The following GRID2 variants were observed in gnomAD, a reference collection of about 807,000 sequenced individuals.
GRID2 encodes the protein glutamate receptor ionotropic, delta-2.
In GRID2, 33 loss-of-function variants were observed where a neutral mutation model predicts 114.8. That is an observed-to-expected ratio of 0.29 (90% CI 0.22 to 0.38). GRID2 has a LOEUF of 0.38. Ranked by LOEUF, GRID2 falls within the 10% of genes least tolerant of loss-of-function variation. The pLI is 1.00. For missense variants in GRID2, 1,184 were observed against 1,257.7 expected (o/e 0.94, Z 0.89); for synonymous variants, 505 against 449.9 (o/e 1.12, Z -1.55).
intron 12 of GRID2, among the ~76,000 whole-genome samples, chr4:93,509,999 A>T (rs1328760314): frequency 6.6e-6 from 1 of 152,176 alleles, no homozygotes; most frequent in Non-Finnish European, 1.5e-5. Context: ...TGAAATCAGC[A>T]TCCAAAGGAG....
At chr4:93,129,375 T>C (rs778292664) in intron 4 of GRID2, among the ~76,000 whole-genome samples, 13 of 152,078 alleles carry the variant, frequency 8.5e-5, no homozygotes, top group Non-Finnish European at 1.8e-4. Flanking sequence ...TTGTTTGTTT[T>C]TGTTGTTGTT....
chr4:92,882,240 G>A (rs1323307521), intron 2 of GRID2, among the ~76,000 whole-genome samples: 2 of 152,152 alleles, frequency 1.3e-5, no homozygotes, highest in Non-Finnish European at 2.9e-5. Flanking sequence ...AGCTGTGAAC[G>A]CTGCAATATG....
At chr4:92,306,608 C>A (rs1055826930) in intron 1 of GRID2, among the ~76,000 whole-genome samples, 7 of 152,116 alleles carry the variant, frequency 4.6e-5, no homozygotes, top group Admixed American at 6.5e-5. Context: ...TTTTTTAAAT[C>A]GCTTATTCTG....
intron 4 of GRID2, among the ~76,000 whole-genome samples, chr4:93,167,652 T>C (rs1408895501): frequency 6.6e-6 from 1 of 152,148 alleles, no homozygotes; most frequent in Non-Finnish European, 1.5e-5. Context: ...ACTTAACACA[T>C]AGTAACACAT....
chr4:93,164,326 T>A (rs1439796991), intron 4 of GRID2, among the ~76,000 whole-genome samples: 1 of 152,020 alleles, frequency 6.6e-6, no homozygotes, highest in Non-Finnish European at 1.5e-5. Context: ...GAAGAGCAGA[T>A]GTAACGGGCT....
At chr4:92,862,763 T>C (rs2149436799) in intron 2 of GRID2, among the ~76,000 whole-genome samples, 1 of 152,212 alleles carries the variant, frequency 6.6e-6, no homozygotes, top group South Asian at 2.1e-4. Flanking sequence ...CTAAATGTTC[T>C]AATGCAGTTT....
At chr4:92,772,718 A>G (rs6818830) in intron 2 of GRID2, among the ~76,000 whole-genome samples, 9,398 of 152,210 alleles carry the variant, frequency 0.062, 410 homozygotes, top group African/African-American at 0.13. Flanking sequence ...GCAATTTGAA[A>G]CACACTGAAC....
chr4:92,464,537 G>A (rs143477097), intron 1 of GRID2, among the ~76,000 whole-genome samples: 93 of 151,754 alleles, frequency 6.1e-4, no homozygotes, highest in African/African-American at 2.2e-3. Flanking sequence ...ATAATATAAC[G>A]CCTGCTAATA....
rs1414980653 is a variant in GRID2 at position 93,407,739 on chromosome 4, C to CTCCTCCTCG, written c.1347+12039_1347+12040insGTCCTCCTC. On this transcript the variant is annotated intron_variant, in intron 9 of 15. Transcript: ENST00000282020. ...CCTCCTCCTTCTCCTCCTCCTCCTC[C>CTCCTCCTCG]TCCTCCTCCTCCTCCTCGTCCTCCT... 3.1e-3 allele frequency among the ~76,000 whole-genome samples: 389 copies of CTCCTCCTCG among 125,916 alleles called. 9 individuals carry two copies. Among genetic ancestry groups the CTCCTCCTCG allele is most frequent in the African/African-American group, 0.012 (360 of 30,050 alleles). The allele number at this position is 125,916 out of a possible 152,430, so 82.6% of individuals were successfully genotyped here.
intron 2 of GRID2, among the ~76,000 whole-genome samples, chr4:92,971,118 G>A (rs572016661): frequency 6.6e-6 from 1 of 151,908 alleles, no homozygotes; most frequent in African/African-American, 2.4e-5. Flanking sequence ...TTACAGGCAT[G>A]AGCCACTGTG....
chr4:92,744,186 A>G (rs1344220360), intron 2 of GRID2, among the ~76,000 whole-genome samples: 4 of 152,180 alleles, frequency 2.6e-5, no homozygotes, highest in Non-Finnish European at 5.9e-5. Context: ...AAAGGAGATA[A>G]TAAATGCTTT....
chr4:92,657,153 C>G (rs2149266278), intron 2 of GRID2, among the ~76,000 whole-genome samples: 1 of 150,958 alleles, frequency 6.6e-6, no homozygotes, highest in Non-Finnish European at 1.5e-5. Context: ...AGTGATTATT[C>G]AGGGGCATTT....
intron 8 of GRID2, among the ~76,000 whole-genome samples, chr4:93,370,477 ACACACACACACACG>A (rs1347833340): frequency 8.3e-6 from 1 of 120,524 alleles, no homozygotes; most frequent in Non-Finnish European, 1.7e-5. Context: ...GCACACAGAG[ACACACACACACACG>A]CACACACACA....
chr4:92,922,932 C>T (rs1040053923), intron 2 of GRID2, among the ~76,000 whole-genome samples: 10 of 152,140 alleles, frequency 6.6e-5, no homozygotes, highest in Admixed American at 3.3e-4. Context: ...GGCTCTAGGA[C>T]GCTGAAATAT....
At chr4:92,485,471 G>C in intron 1 of GRID2, among the ~76,000 whole-genome samples, 1 of 150,516 alleles carries the variant, frequency 6.6e-6, no homozygotes, top group Non-Finnish European at 1.5e-5. Context: ...AGGCCCAGGT[G>C]GGTGGATCAC....
At chr4:93,716,833 A>G (rs1166174754) in intron 14 of GRID2, among the ~76,000 whole-genome samples, 1 of 152,122 alleles carries the variant, frequency 6.6e-6, no homozygotes, top group Non-Finnish European at 1.5e-5. Flanking sequence ...AAGGAATTTA[A>G]TATACACAAC....
In GRID2 at chr4:92,460,032, C is replaced by CTATATATATATATATATATATATATATA. The variant is rs373743453; in HGVS notation, c.89-130077_89-130076insTATATATATATATATATATATATATATA. 3.9e-3 allele frequency among the ~76,000 whole-genome samples: 188 copies of CTATATATATATATATATATATATATATA among 48,268 alleles called. 14 individuals carry two copies. Among genetic ancestry groups the CTATATATATATATATATATATATATATA allele is most frequent in the East Asian group, 7.5e-3 (4 of 530 alleles). The allele number at this position is 48,268 out of a possible 152,430, so 31.7% of individuals were successfully genotyped here. A position where few individuals can be genotyped will look rare whatever the true frequency, so the allele number is the denominator to read the frequency against. ...AGCCCATTCCTTAAAATAAATCTCA[C>CTATATATATATATATATATATATATATA]TATATATATATATATATATATACAC... is the stretch of plus-strand genomic sequence containing the variant. On this transcript the variant is annotated intron_variant, in intron 1 of 15. Transcript: ENST00000282020.
At chr4:92,395,536 A>G (rs1579292473) in intron 1 of GRID2, among the ~76,000 whole-genome samples, 2 of 151,792 alleles carry the variant, frequency 1.3e-5, no homozygotes, top group African/African-American at 4.8e-5. Flanking sequence ...AAGTAAGCAC[A>G]ACCAAAGCTC....
intron 2 of GRID2, among the ~76,000 whole-genome samples, chr4:92,632,377 G>C (rs891917470): frequency 3.3e-5 from 5 of 152,068 alleles, no homozygotes; most frequent in African/African-American, 1.2e-4. Flanking sequence ...GCTTACACCT[G>C]TAATCCCAAG....
Sources: gnomAD v4.1 joint callset for allele counts (sites outside exome capture counted in the v4.1 genomes callset) on GRCh38, gnomAD v4.1.1 for gene constraint, MANE v1.5 for transcripts, NCBI Gene and HGNC (gene_info 2026-07-23, HGNC 2026-07-21) for gene names.